ATP9A: variants seen among roughly 807,000 people sequenced by gnomAD.
ATP9A encodes ATPase phospholipid transporting 9A, also known as probable phospholipid-transporting ATPase IIA.
In ATP9A, 52 loss-of-function variants were observed where a neutral mutation model predicts 144.1. That is an observed-to-expected ratio of 0.36 (90% CI 0.29 to 0.45). ATP9A has a LOEUF of 0.45. Among genes scored for constraint, ATP9A ranks in the 20% least tolerant of loss-of-function variants. ATP9A has a pLI of 1.00. For synonymous variants in ATP9A, 582 were observed against 557.4 expected (o/e 1.04, Z -0.62); for missense variants, 947 against 1,392.7 (o/e 0.68, Z 5.09).
At position 51,617,861 on chromosome 20, in the gene ATP9A, A is replaced by G. The variant is rs949276462; in HGVS notation, c.2351-307T>C. ...GAGGCCGGGATACCCCAGGATTACC[A>G]TCAGCAGCAACTTGTAGTGCTCTTA... On this transcript the variant is annotated intron_variant, in intron 21 of 27. Transcript: ENST00000338821. 2.0e-5 allele frequency among the ~76,000 whole-genome samples: 3 copies of G among 152,202 alleles called. No individual in the cohort carries two copies. The East Asian group carries it at 5.8e-4, about 29-fold the overall frequency.
chr20:51,658,760 T>C (rs1018735839), intron 13 of ATP9A, among the ~76,000 whole-genome samples: 3 of 151,760 alleles, frequency 2.0e-5, no homozygotes, highest in African/African-American at 7.3e-5. Context: ...CCTCAAGCGA[T>C]CCGCCTGCCT....
rs983718123 is a variant in ATP9A at position 51,614,407 on chromosome 20, C to T, written c.2416-575G>A. 3.3e-5 allele frequency among the ~76,000 whole-genome samples: 5 copies of T among 152,122 alleles called. No individual in the cohort carries two copies. In the East Asian group the frequency reaches 9.6e-4, roughly 29 times the overall value. ...CTTCTGCCTCCCAGGTTCAAGCCAT[C>T]CTCCCACCTCAGCCTCCTGAGCAGC... On this transcript the variant is annotated intron_variant, in intron 22 of 27. Transcript: ENST00000338821.
intron 21 of ATP9A, 117 bp from the exon 22 acceptor site, chr20:51,617,671 G>T: frequency 9.0e-7 from 1 of 1,116,328 alleles, no homozygotes. Flanking sequence ...TGCCTGGCCT[G>T]CCCCGTCCAT....
At chr20:51,687,394 T>C (rs1873061439) in intron 9 of ATP9A, among the ~76,000 whole-genome samples, 1 of 152,178 alleles carries the variant, frequency 6.6e-6, no homozygotes. Context: ...CACACGGTAC[T>C]CCAGGGATAG....
At chr20:51,708,928 A>G (rs910424185) in intron 4 of ATP9A, among the ~76,000 whole-genome samples, 1 of 152,148 alleles carries the variant, frequency 6.6e-6, no homozygotes, top group Non-Finnish European at 1.5e-5. Flanking sequence ...ACAACTAAAT[A>G]TAACTGACAA....
chr20:51,602,731 T>C (rs1030712793), intron 27 of ATP9A, among the ~76,000 whole-genome samples: 1 of 152,252 alleles, frequency 6.6e-6, no homozygotes, highest in Non-Finnish European at 1.5e-5. Flanking sequence ...CGATCAAAGA[T>C]GCTTCCAGGG....
chr20:51,668,177 GAA>G (rs11484091), intron 13 of ATP9A, among the ~76,000 whole-genome samples: 1 of 53,738 alleles, frequency 1.9e-5, no homozygotes. Context: ...AAGGGAGAAG[GAA>G]AAAAAAAAAA....
chr20:51,638,121 A>ATATATATC (rs2077302889), intron 15 of ATP9A, among the ~76,000 whole-genome samples: 13 of 103,020 alleles, frequency 1.3e-4, no homozygotes, highest in East Asian at 2.7e-4. Context: ...ATATATATAT[A>ATATATATC]TATCTCATAG....
At chr20:51,682,803 G>A (rs2077506054) in intron 9 of ATP9A, among the ~76,000 whole-genome samples, 1 of 143,382 alleles carries the variant, frequency 7.0e-6, no homozygotes, top group Non-Finnish European at 1.5e-5. Context: ...ATGTTGGCCA[G>A]GCTGATCTCA....
At chr20:51,730,194 C>A (rs113261449) in intron 1 of ATP9A, among the ~76,000 whole-genome samples, 1 of 152,174 alleles carries the variant, frequency 6.6e-6, no homozygotes, top group Non-Finnish European at 1.5e-5. Context: ...CCTGGCCAGG[C>A]GCGGTGGCTC....
At chr20:51,629,217 A>G in intron 15 of ATP9A, 145 bp from the exon 16 acceptor site, 1 of 582,910 alleles carries the variant, frequency 1.7e-6, no homozygotes, top group Non-Finnish European at 3.0e-6. Flanking sequence ...AAAAGCGAGA[A>G]GGGGCCTCAT....
chr20:51,663,287 A>G (rs150416387), intron 13 of ATP9A, among the ~76,000 whole-genome samples: 135 of 152,326 alleles, frequency 8.9e-4, no homozygotes, highest in Non-Finnish European at 1.6e-3. Context: ...ACACAAAGGC[A>G]GAGCATTTGG....
Position 51,667,214 on chromosome 20 carries a change from C to G in ATP9A, c.1293+2783G>C, listed in dbSNP as rs150470940. Among the ~76,000 whole-genome samples, 661 of 152,248 alleles carry G rather than the reference C, an allele frequency of 4.3e-3. 8 individuals carry two copies. Among genetic ancestry groups the G allele is most frequent in the African/African-American group, 0.015 (621 of 41,548 alleles). On this transcript the variant is annotated intron_variant, in intron 13 of 27. Coordinates refer to ENST00000338821, the MANE Select transcript of ATP9A (RefSeq NM_006045.3). ...ACAAAGAGTGTTATCTGTGCTAAGC[C>G]AAAAATGAACCATAAAAGCTAAAAT...
intron 1 of ATP9A, among the ~76,000 whole-genome samples, chr20:51,750,763 T>C (rs1458226590): frequency 6.6e-6 from 1 of 152,142 alleles, no homozygotes; most frequent in East Asian, 1.9e-4. Flanking sequence ...CCCTCTTAGC[T>C]GGAGTCTGGC....
chr20:51,763,400 C>CCTCCTGGGTTCACGCCATT (rs2077890253), intron 1 of ATP9A, among the ~76,000 whole-genome samples: 1 of 151,106 alleles, frequency 6.6e-6, no homozygotes, highest in African/African-American at 2.4e-5. Context: ...GCCAGCTCTG[C>CCTCCTGGGTTCACGCCATT]CTCCTGGGTT....
At chr20:51,700,901 C>T (rs1162988218) in intron 4 of ATP9A, among the ~76,000 whole-genome samples, 2 of 152,060 alleles carry the variant, frequency 1.3e-5, no homozygotes, top group Admixed American at 6.6e-5. Context: ...ATTGGCAGAA[C>T]GATTTCATGG....
At chr20:51,607,957 T>A (rs1428067026) in intron 25 of ATP9A, among the ~76,000 whole-genome samples, 1 of 149,648 alleles carries the variant, frequency 6.7e-6, no homozygotes, top group Admixed American at 6.7e-5. Flanking sequence ...AGCAGGAGAA[T>A]CGCTTGAACC....
chr20:51,682,498 C>T (rs913442826), intron 9 of ATP9A, among the ~76,000 whole-genome samples: 3 of 149,350 alleles, frequency 2.0e-5, no homozygotes, highest in Admixed American at 6.7e-5. Context: ...TTGCCTTTAA[C>T]GCCTCTTTAT....
intron 1 of ATP9A, 34 bp downstream of exon 1, chr20:51,768,268 G>A (rs966906921): frequency 3.2e-6 from 4 of 1,233,930 alleles, no homozygotes; most frequent in Admixed American, 4.2e-5. Flanking sequence ...CGGGAGGCGC[G>A]GACAAAGGAA....
Sources: gnomAD v4.1 joint callset for allele counts (sites outside exome capture counted in the v4.1 genomes callset) on GRCh38, gnomAD v4.1.1 for gene constraint, MANE v1.5 for transcripts, NCBI Gene and HGNC (gene_info 2026-07-23, HGNC 2026-07-21) for gene names.